Variants in ZNF506 observed in about 807,000 individuals in gnomAD.
ZNF506 encodes zinc finger protein 506.
Under a neutral mutation model 11.6 loss-of-function variants are expected in ZNF506, and 10 were observed. The ratio of observed to expected loss-of-function variants is 0.86; its 90% CI spans 0.53 to 1.46. The LOEUF is 1.46. ZNF506 is among the 40% of genes most tolerant of loss of function. The probability of loss-of-function intolerance (pLI) is 0.00; values close to 1 mark genes in which losing one functional copy is unlikely to be tolerated. For missense variants in ZNF506, 425 were observed against 521.2 expected (o/e 0.82, Z 1.80); for synonymous variants, 156 against 173.3 (o/e 0.90, Z 0.78).
At chr19:19,816,421 G>A (rs903995695) in intron 1 of ZNF506, among the ~76,000 whole-genome samples, 2 of 151,914 alleles carry the variant, frequency 1.3e-5, no homozygotes, top group Non-Finnish European at 2.9e-5. Context: ...GCAGTGGTGC[G>A]ATCTCAGCTC....
chr19:19,814,582 C>T (rs2062914022), intron 1 of ZNF506, among the ~76,000 whole-genome samples: 1 of 151,982 alleles, frequency 6.6e-6, no homozygotes, highest in South Asian at 2.1e-4. Context: ...AGAAAACATA[C>T]CTGTTTGGTG....
intron 1 of ZNF506, among the ~76,000 whole-genome samples, chr19:19,814,327 G>A (rs2062910459): frequency 6.6e-6 from 1 of 151,690 alleles, no homozygotes; most frequent in African/African-American, 2.4e-5. Flanking sequence ...AGAATTGCTT[G>A]AACCCAGGAG....
At chr19:19,804,955 G>A (rs1479721460) in intron 3 of ZNF506, among the ~76,000 whole-genome samples, 11 of 151,964 alleles carry the variant, frequency 7.2e-5, no homozygotes. Context: ...ATGGGGGAGG[G>A]ATAGCATTAG....
At chr19:19,819,527 T>C (rs2062954583) in intron 1 of ZNF506, among the ~76,000 whole-genome samples, 1 of 152,070 alleles carries the variant, frequency 6.6e-6, no homozygotes, top group Non-Finnish European at 1.5e-5. Flanking sequence ...CTAGCAGACA[T>C]AGCCATGGTG....
intron 1 of ZNF506, among the ~76,000 whole-genome samples, chr19:19,814,428 T>C (rs2062911916): frequency 6.6e-6 from 1 of 150,408 alleles, no homozygotes; most frequent in Non-Finnish European, 1.5e-5. Context: ...ATAATAATAA[T>C]AATAATAATG....
At chr19:19,802,854 T>G (rs1423799562) in intron 3 of ZNF506, among the ~76,000 whole-genome samples, 3 of 152,118 alleles carry the variant, frequency 2.0e-5, no homozygotes, top group Non-Finnish European at 4.4e-5. Context: ...CAAAAAAAGG[T>G]TAGCTATCCC....
chr19:19,821,561 C>T (rs1599532551), intron 1 of ZNF506, 40 bp downstream of exon 1: 1 of 1,613,910 alleles, frequency 6.2e-7, no homozygotes, highest in Non-Finnish European at 8.5e-7. Flanking sequence ...TTCCAACCAG[C>T]CCCTCTCCCT....
At chr19:19,813,551 A>G (rs924560667) in intron 1 of ZNF506, among the ~76,000 whole-genome samples, 2 of 152,228 alleles carry the variant, frequency 1.3e-5, no homozygotes, top group African/African-American at 4.8e-5. Flanking sequence ...ATAATTGGGT[A>G]TATACCCAAA....
rs963773167 is a variant in ZNF506 at position 19,793,503 on chromosome 19, T to A, written c.*1049A>T. Among the ~76,000 whole-genome samples, 2 of 152,342 alleles carry A rather than the reference T, an allele frequency of 1.3e-5. No individual in the cohort carries two copies. The highest frequency in any genetic ancestry group is 2.9e-5 in the Non-Finnish European group (2 of 68,022). On this transcript the variant is annotated 3_prime_UTR_variant, in exon 4 of 4. Transcript: ENST00000540806. ...GCAACTGCTTCAGGTTTTCCTCTAG[T>A]ACACAATGTGTGCAACAAGATCTGT...
intron 3 of ZNF506, among the ~76,000 whole-genome samples, chr19:19,803,615 G>C (rs942480505): frequency 1.3e-5 from 2 of 152,188 alleles, no homozygotes; most frequent in African/African-American, 4.8e-5. Context: ...GTGAACCCTA[G>C]TGCAGACCCA....
rs751579869 is a variant in ZNF506, at chr19:19,821,646, C to T, written c.-43G>A. 14 of 1,613,510 alleles carry T rather than the reference C, an allele frequency of 8.7e-6. 1 individual carries two copies. The South Asian group carries it at 1.5e-4, about 18-fold the overall frequency. On this transcript the variant is annotated 5_prime_UTR_variant, in exon 1 of 4. Coordinates refer to ENST00000540806, the MANE Select transcript of ZNF506 (RefSeq NM_001099269.3). ...GTCCCGGCGTCCTAGCTGTGACCCTCCTAATACCTGCAGGTCACAGGGCCA... is the reference window on the plus strand; with the variant it reads ...GTCCCGGCGTCCTAGCTGTGACCCTTCTAATACCTGCAGGTCACAGGGCCA...
intron 1 of ZNF506, among the ~76,000 whole-genome samples, chr19:19,808,795 A>G (rs2062859568): frequency 6.9e-6 from 1 of 144,124 alleles, no homozygotes; most frequent in East Asian, 2.1e-4. Flanking sequence ...CTGAGCCAAG[A>G]TCGCGCTACT....
chr19:19,807,190 A>G (rs2062842409), intron 1 of ZNF506, 122 bp from the exon 2 acceptor site: 2 of 1,485,098 alleles, frequency 1.3e-6, no homozygotes, highest in African/African-American at 2.8e-5. Context: ...AAATTATCCA[A>G]TAAAATGATT....
rs1402677376 is a variant in ZNF506, at chr19:19,821,618, G to A, written c.-15C>T. Reference sequence around the variant, plus strand: ...ACTCTCACCATTTCTAGGCTTCCAGGGGGTCCCGGCGTCCTAGCTGTGACC... The same window carrying A: ...ACTCTCACCATTTCTAGGCTTCCAGAGGGTCCCGGCGTCCTAGCTGTGACC... On this transcript the variant is annotated 5_prime_UTR_variant, in exon 1 of 4. Transcript: ENST00000540806. 6.2e-7 allele frequency: 1 copy of A among 1,614,004 alleles called. No individual in the cohort carries two copies. Among genetic ancestry groups the A allele is most frequent in the South Asian group, 1.1e-5 (1 of 91,074 alleles).
At chr19:19,821,563 CCT>C in intron 1 of ZNF506, 36 bp downstream of exon 1, 1 of 1,613,958 alleles carries the variant, frequency 6.2e-7, no homozygotes, top group Non-Finnish European at 8.5e-7. Context: ...CCAACCAGCC[CCT>C]CTCCCTCTCT....
intron 3 of ZNF506, 40 bp downstream of exon 3, chr19:19,805,991 A>C (rs760741638): frequency 6.6e-7 from 1 of 1,517,394 alleles, no homozygotes; most frequent in African/African-American, 1.4e-5. Flanking sequence ...TGGGACCTCT[A>C]TCTGTGTTGT....
Position 19,805,931 on chromosome 19 carries a change from G to C in ZNF506, c.226+100C>G, listed in dbSNP as rs144366491. On this transcript the variant is annotated intron_variant, in intron 3 of 3. Transcript: ENST00000540806. Reference sequence around the variant, plus strand: ...AGCTGCCCAGGAACTATTTCCTTGGGAACACAGCTTCCCAAATCACATTTT... The same window carrying C: ...AGCTGCCCAGGAACTATTTCCTTGGCAACACAGCTTCCCAAATCACATTTT... The C allele has an allele frequency of 1.8e-4, 193 of 1,055,332 alleles. 2 individuals carry two copies. The East Asian group carries it at 4.8e-3, about 26-fold the overall frequency. The allele number at this position is 1,055,332 out of a possible 1,614,324, so 65.4% of individuals were successfully genotyped here. A position where few individuals can be genotyped will look rare whatever the true frequency, so the allele number is the denominator to read the frequency against.
intron 1 of ZNF506, among the ~76,000 whole-genome samples, chr19:19,814,406 C>A (rs2145202890): frequency 1.5e-5 from 1 of 65,856 alleles, no homozygotes; most frequent in East Asian, 1.2e-3. Context: ...AAAACTCCAT[C>A]TCAAAATAAT....
Position 19,794,841 on chromosome 19 carries a change from G to A in ZNF506, c.1046C>T (p.Thr349Ile). The stretch of plus-strand genomic sequence containing the variant: ...AGAGAGGCTTGAGTACCAGGTAAAG[G>A]TTTTGCCACATTCGTCACATTTGTA... ...VPYKCDECGK[T>I]FTWYSSLSKH... Residue 349 changes from threonine to isoleucine, a missense_variant, in exon 4 of 4, where the codon ACC (threonine) becomes ATC (isoleucine). Thr to Ile is a moderately conservative substitution (Grantham distance 89). Coordinates refer to ENST00000540806, the MANE Select transcript of ZNF506 (RefSeq NM_001099269.3). 6.2e-7 allele frequency: 1 copy of A among 1,613,700 alleles called. No homozygotes were observed. Among genetic ancestry groups the A allele is most frequent in the Non-Finnish European group, 8.5e-7 (1 of 1,179,948 alleles).
Sources: allele counts gnomAD v4.1 joint callset (sites outside exome capture counted in the v4.1 genomes callset), GRCh38; gene constraint gnomAD v4.1.1; transcripts MANE v1.5; gene names NCBI Gene and HGNC (gene_info 2026-07-23, HGNC 2026-07-21).